MDGA2: variants seen among roughly 807,000 people sequenced by gnomAD.
MDGA2 encodes MAM domain-containing glycosylphosphatidylinositol anchor protein 2.
In MDGA2, 40 loss-of-function variants were observed where a neutral mutation model predicts 117.8. The ratio of observed to expected loss-of-function variants is 0.34; its 90% CI spans 0.26 to 0.44. The LOEUF is 0.44. MDGA2 is among the 20% of genes least tolerant of loss of function. The pLI is 1.00. For missense variants in MDGA2, 1,123 were observed against 1,250.6 expected, an observed-to-expected ratio of 0.90 and a Z score of 1.54; for synonymous variants, 452 against 439.0, an observed-to-expected ratio of 1.03 and a Z score of -0.37.
chr14:47,072,692 A>T (rs11847957), intron 6 of MDGA2, among the ~76,000 whole-genome samples: 2,994 of 152,242 alleles, frequency 0.02, 102 homozygotes, highest in African/African-American at 0.067. Flanking sequence ...AGCCATCTGC[A>T]TTTTAACAAC....
intron 15 of MDGA2, among the ~76,000 whole-genome samples, chr14:46,849,227 C>T (rs1033410545): frequency 4.6e-5 from 7 of 151,922 alleles, no homozygotes; most frequent in African/African-American, 1.7e-4. Context: ...GAGAAATCTG[C>T]AGTCTTCCAC....
intron 1 of MDGA2, among the ~76,000 whole-genome samples, chr14:47,303,335 AT>A (rs1889342792): frequency 6.6e-6 from 1 of 152,166 alleles, no homozygotes; most frequent in Admixed American, 6.5e-5. Context: ...GATTTGAAAA[AT>A]TAAATGATGC....
intron 1 of MDGA2, among the ~76,000 whole-genome samples, chr14:47,629,914 T>C (rs1416067085): frequency 6.6e-6 from 1 of 152,156 alleles, no homozygotes; most frequent in Non-Finnish European, 1.5e-5. Context: ...CGGGGGTCTG[T>C]GGTGAGCCCT....
At chr14:47,321,756 G>A (rs904131701) in intron 1 of MDGA2, among the ~76,000 whole-genome samples, 1 of 152,184 alleles carries the variant, frequency 6.6e-6, no homozygotes, top group African/African-American at 2.4e-5. Context: ...ACCTTAATAA[G>A]AATGTAGTCA....
chr14:47,367,262 TATG>T (rs1014933945), intron 1 of MDGA2, among the ~76,000 whole-genome samples: 2 of 152,194 alleles, frequency 1.3e-5, no homozygotes, highest in Non-Finnish European at 2.9e-5. Flanking sequence ...TGTTTCAGGG[TATG>T]ATAAGTTTTT....
intron 1 of MDGA2, among the ~76,000 whole-genome samples, chr14:47,558,932 T>C: frequency 6.6e-6 from 1 of 152,328 alleles, no homozygotes; most frequent in South Asian, 2.1e-4. Flanking sequence ...TTATATTTTC[T>C]TTAAAATTTG....
chr14:47,445,226 C>A (rs1246923300), intron 1 of MDGA2, among the ~76,000 whole-genome samples: 1 of 151,912 alleles, frequency 6.6e-6, no homozygotes, highest in African/African-American at 2.4e-5. Flanking sequence ...GCATTTGATT[C>A]CCACACTGAA....
intron 12 of MDGA2, among the ~76,000 whole-genome samples, chr14:46,876,646 G>A (rs1454532329): frequency 6.6e-6 from 1 of 151,266 alleles, no homozygotes; most frequent in Admixed American, 6.6e-5. Flanking sequence ...TCAAAATTTT[G>A]CTTTATTTGG....
intron 8 of MDGA2, among the ~76,000 whole-genome samples, chr14:47,034,355 T>G (rs896216086): frequency 6.6e-6 from 1 of 152,140 alleles, no homozygotes; most frequent in African/African-American, 2.4e-5. Context: ...AATATAAAAA[T>G]AGTTTAAAAT....
intron 1 of MDGA2, among the ~76,000 whole-genome samples, chr14:47,398,836 G>A (rs1391033648): frequency 6.6e-6 from 1 of 152,042 alleles, no homozygotes; most frequent in Non-Finnish European, 1.5e-5. Context: ...TACAAAGTTT[G>A]TAAGATACAA....
intron 1 of MDGA2, among the ~76,000 whole-genome samples, chr14:47,370,350 T>C (rs1891319605): frequency 6.7e-6 from 1 of 150,318 alleles, no homozygotes; most frequent in Non-Finnish European, 1.5e-5. Flanking sequence ...GAGGACTAAA[T>C]GTTTGTGAAT....
Position 46,959,251 on chromosome 14 carries a change from A to ATGTGTG in MDGA2, c.1820-1614_1820-1609dup, listed in dbSNP as rs3985119. Among the ~76,000 whole-genome samples the ATGTGTG allele has an allele frequency of 1.1e-4, 15 of 140,228 alleles. No individual in the cohort carries two copies. In the East Asian group the frequency reaches 2.4e-3, roughly 22 times the overall value. 92.0% of individuals were successfully genotyped at this position (140,228 alleles called of 152,430 possible). A position where few individuals can be genotyped will look rare whatever the true frequency, so the allele number is the denominator to read the frequency against. ...TCTTTTATCTCCAGCAATGCTATAT[A>ATGTGTG]TGTGTGTGTGTGTGTGTGTGTGTGT... On this transcript the variant is annotated intron_variant, in intron 8 of 16. Transcript: ENST00000399232.
At chr14:47,648,412 T>C (rs926754982) in intron 1 of MDGA2, among the ~76,000 whole-genome samples, 5 of 152,152 alleles carry the variant, frequency 3.3e-5, no homozygotes, top group East Asian at 1.9e-4. Flanking sequence ...TGACAGTATA[T>C]GCCATTTGAA....
intron 2 of MDGA2, among the ~76,000 whole-genome samples, chr14:47,253,585 T>C (rs1887517766): frequency 1.3e-5 from 2 of 152,368 alleles, no homozygotes; most frequent in South Asian, 4.1e-4. Context: ...TCAGCCCTTG[T>C]GGCTTTGCAG....
intron 14 of MDGA2, among the ~76,000 whole-genome samples, chr14:46,873,136 T>A (rs1470657892): frequency 6.6e-6 from 1 of 151,996 alleles, no homozygotes; most frequent in African/African-American, 2.4e-5. Flanking sequence ...AGAAGCAGCC[T>A]AAATTATGCT....
intron 1 of MDGA2, among the ~76,000 whole-genome samples, chr14:47,603,233 C>T (rs1300598094): frequency 6.6e-6 from 1 of 152,152 alleles, no homozygotes; most frequent in Admixed American, 6.5e-5. Context: ...CCTAATTTTT[C>T]CTGTCTCACT....
intron 2 of MDGA2, among the ~76,000 whole-genome samples, chr14:47,231,111 T>C (rs1465362751): frequency 3.9e-5 from 6 of 152,158 alleles, no homozygotes; most frequent in African/African-American, 7.2e-5. Flanking sequence ...GATGACTAAA[T>C]TGAGATTCAA....
Position 46,910,041 on chromosome 14 carries a change from A to G in MDGA2, c.2238+9971T>C, listed in dbSNP as rs569781575. ...ACCTGTGCCTAACATCCATCTCAAT[A>G]AGAGTTAATTTTCATTTTTAATATA... On this transcript the variant is annotated intron_variant, in intron 10 of 16. Coordinates refer to ENST00000399232, the MANE Select transcript of MDGA2 (RefSeq NM_001113498.3). Among the ~76,000 whole-genome samples the G allele has an allele frequency of 1.2e-4, 18 of 148,194 alleles. 1 individual carries two copies. The highest frequency in any genetic ancestry group is 4.2e-4 in the African/African-American group (16 of 37,766).
intron 1 of MDGA2, among the ~76,000 whole-genome samples, chr14:47,646,005 G>A (rs562839132): frequency 2.7e-5 from 4 of 150,668 alleles, no homozygotes; most frequent in South Asian, 2.1e-4. Flanking sequence ...GCATGAACTC[G>A]GGAGGCGGAG....
Sources: gnomAD v4.1 joint callset for allele counts (sites outside exome capture counted in the v4.1 genomes callset) on GRCh38, gnomAD v4.1.1 for gene constraint, MANE v1.5 for transcripts, NCBI Gene and HGNC (gene_info 2026-07-23, HGNC 2026-07-21) for gene names.